FBRSL1: variants seen among roughly 807,000 people sequenced by gnomAD.
The protein encoded by FBRSL1 is fibrosin like 1.
A neutral mutation model predicts 89.6 loss-of-function variants in FBRSL1; 51 were observed. The ratio of observed to expected loss-of-function variants is 0.57; its 90% CI spans 0.45 to 0.72. The LOEUF is 0.72. Among genes scored for constraint, FBRSL1 ranks in the 30% least tolerant of loss-of-function variants. FBRSL1 has a pLI of 0.00. For synonymous variants in FBRSL1, 779 were observed against 681.1 expected, an observed-to-expected ratio of 1.14 and a Z score of -2.24; for missense variants, 1,618 against 1,451.8, an observed-to-expected ratio of 1.11 and a Z score of -1.86.
chr12:132,559,147 C>T (rs2038908399), intron 5 of FBRSL1, among the ~76,000 whole-genome samples: 3 of 152,372 alleles, frequency 2.0e-5, no homozygotes, highest in African/African-American at 7.2e-5. Flanking sequence ...TAAGGGAGAG[C>T]CAGGTGCTTC....
rs767876364 is a variant in FBRSL1, at chr12:132,572,648, C to T, written c.1530+26C>T. 1.7e-5 allele frequency: 25 copies of T among 1,490,390 alleles called. No homozygotes were observed. In the African/African-American group the frequency reaches 1.8e-4, roughly 11 times the overall value. The allele number at this position is 1,490,390 out of a possible 1,614,324, so 92.3% of individuals were successfully genotyped here. Reference sequence around the variant, plus strand: ...GTACCGCTGCCCCTGGCAGGTGGGGCGGGCACAGCGGGTGGGTGGATTTTG... The same window carrying T: ...GTACCGCTGCCCCTGGCAGGTGGGGTGGGCACAGCGGGTGGGTGGATTTTG... On this transcript the variant is annotated intron_variant, in intron 11 of 18. Transcript: ENST00000680143.
chr12:132,507,335 G>A (rs530668132), intron 1 of FBRSL1: 99 of 985,438 alleles, frequency 1.0e-4, no homozygotes, highest in Non-Finnish European at 1.0e-4. Context: ...AACTTGACGC[G>A]CCGTATCTGT....
At chr12:132,533,590 C>T (rs2036480844) in intron 4 of FBRSL1, among the ~76,000 whole-genome samples, 1 of 152,264 alleles carries the variant, frequency 6.6e-6, no homozygotes, top group South Asian at 2.1e-4. Flanking sequence ...CCATGGTGGG[C>T]ACAGCCCGCA....
At chr12:132,525,882 C>A in intron 3 of FBRSL1, 59 bp downstream of exon 3, 1 of 1,387,354 alleles carries the variant, frequency 7.2e-7, no homozygotes, top group Non-Finnish European at 9.9e-7. Context: ...GCCCGCTGCG[C>A]CCCGCACAAG....
At chr12:132,524,475 G>A (rs987350013) in intron 2 of FBRSL1, among the ~76,000 whole-genome samples, 11 of 152,272 alleles carry the variant, frequency 7.2e-5, no homozygotes, top group African/African-American at 2.4e-4. Flanking sequence ...GCTGCAGGAG[G>A]TGCACAGAGC....
intron 2 of FBRSL1, chr12:132,510,106 C>G: frequency 1.6e-6 from 2 of 1,225,718 alleles, no homozygotes; most frequent in Non-Finnish European, 2.0e-6. Flanking sequence ...CTCATGGGCC[C>G]GGAGCAGCCC....
chr12:132,541,225 G>A (rs2037239462), intron 4 of FBRSL1, among the ~76,000 whole-genome samples: 1 of 150,866 alleles, frequency 6.6e-6, no homozygotes, highest in Admixed American at 6.6e-5. Context: ...CTGTCAGCCT[G>A]GGGGGCACAG....
At chr12:132,531,828 G>A (rs2036315326) in intron 4 of FBRSL1, among the ~76,000 whole-genome samples, 1 of 152,230 alleles carries the variant, frequency 6.6e-6, no homozygotes, top group South Asian at 2.1e-4. Flanking sequence ...TCATCACCTG[G>A]TCTGGTTTTA....
intron 9 of FBRSL1, 31 bp from the exon 10 acceptor site, chr12:132,572,257 G>T: frequency 6.5e-7 from 1 of 1,546,764 alleles, no homozygotes; most frequent in South Asian, 1.2e-5. Context: ...TCGTGTGTGC[G>T]GGGCCTCACC....
At chr12:132,512,203 CAG>C (rs951394363) in intron 2 of FBRSL1, among the ~76,000 whole-genome samples, 61 of 152,364 alleles carry the variant, frequency 4.0e-4, no homozygotes, top group Middle Eastern at 3.4e-3. Context: ...GCCAGTGTGA[CAG>C]GGGTCGAGAC....
At chr12:132,533,158 A>T (rs2036434649) in intron 4 of FBRSL1, among the ~76,000 whole-genome samples, 1 of 149,406 alleles carries the variant, frequency 6.7e-6, no homozygotes, top group South Asian at 2.1e-4. Flanking sequence ...CTGGAGTCAG[A>T]GAGCTGCAGT....
At chr12:132,506,471 C>T (rs547570498) in intron 1 of FBRSL1, among the ~76,000 whole-genome samples, 1 of 152,340 alleles carries the variant, frequency 6.6e-6, no homozygotes, top group South Asian at 2.1e-4. Context: ...TCCCCTCTGA[C>T]TCTTTGCCCA....
rs1201350242 is a variant in FBRSL1, at chr12:132,570,140, AC to A, written c.911del (p.Pro304ArgfsTer123). 4 of 1,473,530 alleles carry A rather than the reference AC, an allele frequency of 2.7e-6. No homozygotes were observed. The South Asian group carries it at 3.9e-5, about 14-fold the overall frequency. 91.3% of individuals were successfully genotyped at this position (1,473,530 alleles called of 1,614,324 possible). ...CGCACCGCCACACCCCGCAGCCGCC[AC>A]CCCCGCAGCCCCGCGGCCTGCTCCC... ...APHRHTPQPP[P>X]PQPRGLLPTH... is the part of the protein sequence containing the mutation. On this transcript the variant is annotated frameshift_variant, in exon 7 of 19. Transcript: ENST00000680143. LOFTEE classifies it high-confidence loss of function.
chr12:132,581,236 G>C, intron 15 of FBRSL1: 2 of 982,872 alleles, frequency 2.0e-6, no homozygotes, highest in Non-Finnish European at 2.4e-6. Context: ...CTGCCACTGC[G>C]GCTCCAAGTC....
Position 132,574,339 on chromosome 12 carries a change from G to C in FBRSL1, c.1620G>C (p.Ala540=), listed in dbSNP as rs780113551. ...CACAGGTGTCTGACCCGTACCGGGC[G>C]GTGGTCAAGGTGAGCACGTGTTGGG... The part of the protein sequence containing the change: ...KAPGVSDPYR[A]VVKKPGRWCA... The change falls in exon 13 of 19, where the codon GCG becomes GCC. Residue 540 remains alanine (A), a synonymous_variant. Transcript: ENST00000680143. The C allele has an allele frequency of 5.7e-5, 89 of 1,549,304 alleles. No homozygotes were observed. Among genetic ancestry groups the C allele is most frequent in the Non-Finnish European group, 7.5e-5 (86 of 1,146,444 alleles).
At chr12:132,572,034 G>C (rs1315539767) in intron 9 of FBRSL1, 2 of 556,888 alleles carry the variant, frequency 3.6e-6, no homozygotes, top group South Asian at 2.3e-5. Flanking sequence ...CAGGCACACA[G>C]ACTGCCTGGG....
chr12:132,526,670 G>A (rs950300845), intron 3 of FBRSL1, among the ~76,000 whole-genome samples: 6 of 152,190 alleles, frequency 3.9e-5, no homozygotes, highest in African/African-American at 1.2e-4. Context: ...ATTTGGGAGA[G>A]TGGAGGACTG....
chr12:132,543,037 C>G (rs369930027), intron 4 of FBRSL1, among the ~76,000 whole-genome samples: 5 of 152,134 alleles, frequency 3.3e-5, no homozygotes, highest in Admixed American at 2.0e-4. Context: ...CCAGGCTCTT[C>G]GGGTAGCAAG....
intron 4 of FBRSL1, among the ~76,000 whole-genome samples, chr12:132,542,230 C>T (rs2037325580): frequency 6.6e-6 from 1 of 152,200 alleles, no homozygotes; most frequent in Non-Finnish European, 1.5e-5. Context: ...TATCCCCGGG[C>T]ACCTGGGTGG....
Sources: gnomAD v4.1 joint callset for allele counts (sites outside exome capture counted in the v4.1 genomes callset) on GRCh38, gnomAD v4.1.1 for gene constraint, MANE v1.5 for transcripts, NCBI Gene and HGNC (gene_info 2026-07-23, HGNC 2026-07-21) for gene names.